Variants in MKX observed in about 807,000 individuals in gnomAD.
MKX encodes homeobox protein Mohawk.
MKX carries 13 observed loss-of-function variants against 36.0 expected under a neutral mutation model. The observed-to-expected ratio is 0.36, with a 90% CI of 0.24 to 0.57. The LOEUF (loss-of-function observed/expected upper bound fraction) is 0.57, where lower values mean the gene tolerates loss of function less well. MKX is among the 20% of genes least tolerant of loss of function. The pLI is 0.79. For missense variants in MKX, 458 were observed against 456.4 expected, an observed-to-expected ratio of 1.00 and a Z score of -0.03; for synonymous variants, 176 against 178.3, an observed-to-expected ratio of 0.99 and a Z score of 0.10.
At chr10:27,697,831 A>G (rs986856505) in intron 5 of MKX, among the ~76,000 whole-genome samples, 3 of 152,162 alleles carry the variant, frequency 2.0e-5, no homozygotes, top group African/African-American at 7.2e-5. Context: ...GGGGGGTTGG[A>G]GCAATGGCAG....
At chr10:27,684,293 T>A (rs184029647) in intron 5 of MKX, among the ~76,000 whole-genome samples, 27 of 152,140 alleles carry the variant, frequency 1.8e-4, no homozygotes, top group Admixed American at 3.9e-4. Flanking sequence ...TGGGCCTAGG[T>A]GACAGAGTGA....
chr10:27,689,500 T>C (rs997244692), intron 5 of MKX, among the ~76,000 whole-genome samples: 1 of 152,204 alleles, frequency 6.6e-6, no homozygotes, highest in African/African-American at 2.4e-5. Context: ...ATTTAAAGCC[T>C]AAACTGGGGT....
At chr10:27,743,134 C>T (rs991185269) in intron 2 of MKX, 94 bp downstream of exon 2, 6 of 1,254,018 alleles carry the variant, frequency 4.8e-6, no homozygotes, top group Non-Finnish European at 6.2e-6. Context: ...CTTTCCCGTC[C>T]ACCCGCCCGC....
intron 5 of MKX, among the ~76,000 whole-genome samples, chr10:27,691,587 A>T (rs11015947): frequency 6.6e-5 from 10 of 152,148 alleles, no homozygotes; most frequent in Non-Finnish European, 1.3e-4. Flanking sequence ...CAGGAGGTAC[A>T]TATGCAGGTT....
In MKX at chr10:27,674,368, A is replaced by T. The variant is rs2132479680; in HGVS notation, c.*861T>A. The T allele has an allele frequency of 6.5e-6, 1 of 152,784 alleles. No individual in the cohort carries two copies. Among genetic ancestry groups the T allele is most frequent in the East Asian group, 1.9e-4 (1 of 5,194 alleles). The allele number at this position is 152,784 out of a possible 1,614,324, so 9.5% of individuals were successfully genotyped here. On this transcript the variant is annotated 3_prime_UTR_variant, in exon 7 of 7. Coordinates refer to ENST00000419761, the MANE Select transcript of MKX (RefSeq NM_173576.3). Reference sequence around the variant, plus strand: ...TCCATACGAACACAGTTTCCATCACAAAAAGACAGTGAGCTCTAATGCAAA... The same window carrying T: ...TCCATACGAACACAGTTTCCATCACTAAAAGACAGTGAGCTCTAATGCAAA...
chr10:27,701,428 T>C (rs1836651650), intron 5 of MKX, among the ~76,000 whole-genome samples: 1 of 146,718 alleles, frequency 6.8e-6, no homozygotes, highest in African/African-American at 2.5e-5. Flanking sequence ...CTATAGATAA[T>C]ATATATAAAA....
intron 5 of MKX, among the ~76,000 whole-genome samples, chr10:27,716,769 C>T (rs897907069): frequency 2.6e-5 from 4 of 152,126 alleles, no homozygotes; most frequent in African/African-American, 7.2e-5. Context: ...ACCCAAATCC[C>T]GCTGCCACAT....
intron 3 of MKX, among the ~76,000 whole-genome samples, chr10:27,736,258 T>C (rs544358398): frequency 6.6e-6 from 1 of 152,238 alleles, no homozygotes; most frequent in South Asian, 2.1e-4. Context: ...GGTAGAACCA[T>C]GGGTGAAGAG....
intron 5 of MKX, 139 bp downstream of exon 5, chr10:27,734,317 G>A (rs1372925919): frequency 2.9e-5 from 21 of 735,956 alleles, no homozygotes; most frequent in Middle Eastern, 7.6e-4. Context: ...TAAACAAAAC[G>A]AAAGCTTTAA....
intron 5 of MKX, among the ~76,000 whole-genome samples, chr10:27,722,688 T>A (rs775618731): frequency 4.6e-5 from 7 of 152,128 alleles, no homozygotes; most frequent in Non-Finnish European, 7.4e-5. Context: ...GAGAGAAAAC[T>A]GGGGCCCTAC....
intron 5 of MKX, among the ~76,000 whole-genome samples, chr10:27,697,106 A>G (rs1469438154): frequency 1.3e-5 from 2 of 152,170 alleles, no homozygotes; most frequent in Non-Finnish European, 2.9e-5. Context: ...ATGTTTTCAA[A>G]TACTCCTGGT....
At chr10:27,687,283 C>T (rs889141147) in intron 5 of MKX, among the ~76,000 whole-genome samples, 10 of 152,188 alleles carry the variant, frequency 6.6e-5, no homozygotes, top group African/African-American at 1.7e-4. Flanking sequence ...GGATTACAGG[C>T]GTGAGCCATT....
chr10:27,714,805 T>C (rs1165154471), intron 5 of MKX, among the ~76,000 whole-genome samples: 1 of 152,258 alleles, frequency 6.6e-6, no homozygotes, highest in African/African-American at 2.4e-5. Flanking sequence ...TGCTCTGTCC[T>C]TAAACCTTGA....
chr10:27,730,690 T>A (rs998405046), intron 5 of MKX, among the ~76,000 whole-genome samples: 1 of 151,802 alleles, frequency 6.6e-6, no homozygotes, highest in African/African-American at 2.4e-5. Context: ...ACTCCTAATT[T>A]CAGGTGATCT....
chr10:27,700,975 T>C (rs941031269), intron 5 of MKX, among the ~76,000 whole-genome samples: 25 of 152,306 alleles, frequency 1.6e-4, no homozygotes, highest in Admixed American at 2.6e-4. Flanking sequence ...TATATACCTA[T>C]TTTATTATTG....
In MKX at chr10:27,673,002, A is replaced by G. The variant is rs1397498618; in HGVS notation, c.*2227T>C. On this transcript the variant is annotated 3_prime_UTR_variant, in exon 7 of 7. Transcript: ENST00000419761. The stretch of plus-strand genomic sequence containing the variant: ...ATTCTATTTCTCTACAACATAAATT[A>G]TGAGTTAGATTTTCAGCTGCCGGCT... 3 of 152,244 alleles carry G rather than the reference A, an allele frequency of 2.0e-5. No homozygotes were observed. The highest frequency in any genetic ancestry group is 7.2e-5 in the African/African-American group (3 of 41,466). The allele number at this position is 152,244 out of a possible 1,614,324, so 9.4% of individuals were successfully genotyped here.
chr10:27,738,620 GTATC>G (rs900372655), intron 3 of MKX, among the ~76,000 whole-genome samples: 8 of 151,886 alleles, frequency 5.3e-5, no homozygotes, highest in Non-Finnish European at 8.8e-5. Context: ...ATTTATATCA[GTATC>G]TATCTATCTA....
At position 27,741,428 on chromosome 10, in the gene MKX, G is replaced by A; in HGVS notation, c.265C>T (p.Leu89Phe). ...QDMARPLKQW[L>F]YKHRDNPYPT... ...TACGGGTTGTCACGGTGCTTGTAAA[G>A]CCACTGCTTGAGGGGTCGCGCCATG... The change falls in exon 3 of 7, where the codon CTT becomes TTT. Residue 89 changes from leucine to phenylalanine, a missense_variant. Physicochemically the swap from Leu to Phe is conservative, Grantham distance 22 (BLOSUM62 0). This residue lies in a region of MKX where 12 missense variants were observed against 37.6 expected (regional missense o/e 0.32). Coordinates refer to ENST00000419761, the MANE Select transcript of MKX (RefSeq NM_173576.3). This position sits in a 1 kb window ranked among gnomAD's most constrained non-coding sequence, Gnocchi z 5.1. The A allele has an allele frequency of 6.2e-7, 1 of 1,612,780 alleles. No homozygotes were observed. Among genetic ancestry groups the A allele is most frequent in the South Asian group, 1.1e-5 (1 of 90,832 alleles).
chr10:27,690,791 G>A (rs953944003), intron 5 of MKX, among the ~76,000 whole-genome samples: 1 of 152,118 alleles, frequency 6.6e-6, no homozygotes, highest in Non-Finnish European at 1.5e-5. Flanking sequence ...GGTCTCTCCT[G>A]TCATACCTTA....
Sources: allele counts gnomAD v4.1 joint callset (sites outside exome capture counted in the v4.1 genomes callset), GRCh38; gene constraint gnomAD v4.1.1; regional missense constraint gnomAD v4.1.1; non-coding constraint Gnocchi (gnomAD v3.1); transcripts MANE v1.5; gene names NCBI Gene and HGNC (gene_info 2026-07-23, HGNC 2026-07-21).